Variants in PTPRK observed in about 807,000 individuals in gnomAD.
PTPRK encodes the protein receptor-type tyrosine-protein phosphatase kappa.
A neutral mutation model predicts 178.0 loss-of-function variants in PTPRK; 75 were observed. The observed-to-expected ratio is 0.42, with a 90% CI of 0.35 to 0.51. The LOEUF is 0.51. Among genes scored for constraint, PTPRK ranks in the 20% least tolerant of loss-of-function variants. PTPRK has a pLI of 0.02. For synonymous variants in PTPRK, 637 were observed against 620.6 expected (o/e 1.03, Z -0.39); for missense variants, 1,441 against 1,797.8 (o/e 0.80, Z 3.59).
intron 25 of PTPRK, among the ~76,000 whole-genome samples, chr6:127,977,856 G>T (rs2114618196): frequency 6.6e-6 from 1 of 152,232 alleles, no homozygotes; most frequent in East Asian, 1.9e-4. Flanking sequence ...ATCTGGACTG[G>T]ACAATTGCCA....
chr6:128,097,839 A>AT (rs1006541185), intron 7 of PTPRK, among the ~76,000 whole-genome samples: 6 of 152,138 alleles, frequency 3.9e-5, no homozygotes, highest in African/African-American at 1.4e-4. Flanking sequence ...TTTTCATAAA[A>AT]TTTTTTAGCA....
chr6:128,308,625 T>C (rs1826794559), intron 3 of PTPRK, among the ~76,000 whole-genome samples: 1 of 152,042 alleles, frequency 6.6e-6, no homozygotes, highest in Non-Finnish European at 1.5e-5. Context: ...TTGGGAAAAG[T>C]CAGAGATATC....
chr6:128,351,194 A>G (rs1303653064), intron 2 of PTPRK, among the ~76,000 whole-genome samples: 6 of 152,326 alleles, frequency 3.9e-5, no homozygotes, highest in Admixed American at 3.9e-4. Context: ...TTAAGTAAAT[A>G]AAAGGTGGCA....
chr6:128,050,873 C>G (rs540521738), intron 13 of PTPRK, among the ~76,000 whole-genome samples: 2 of 152,114 alleles, frequency 1.3e-5, no homozygotes, highest in Non-Finnish European at 2.9e-5. Context: ...GATTTTTACA[C>G]GCTGAAAAAT....
chr6:128,180,622 C>T (rs570971577), intron 7 of PTPRK, among the ~76,000 whole-genome samples: 1 of 152,020 alleles, frequency 6.6e-6, no homozygotes, highest in South Asian at 2.1e-4. Flanking sequence ...AAAGCTTTGG[C>T]AACCAGACAG....
At chr6:128,073,783 T>G (rs1403974000) in intron 11 of PTPRK, among the ~76,000 whole-genome samples, 2 of 152,022 alleles carry the variant, frequency 1.3e-5, no homozygotes, top group Non-Finnish European at 2.9e-5. Context: ...AAACATAAAA[T>G]TAAAGTAACA....
intron 5 of PTPRK, among the ~76,000 whole-genome samples, chr6:128,228,496 A>C (rs1345891385): frequency 6.6e-5 from 10 of 150,682 alleles, no homozygotes; most frequent in African/African-American, 2.4e-4. Flanking sequence ...AATACAAAAA[A>C]AAAAAAAAAA....
intron 2 of PTPRK, among the ~76,000 whole-genome samples, chr6:128,353,365 T>C (rs1158059015): frequency 6.6e-6 from 1 of 152,240 alleles, no homozygotes; most frequent in East Asian, 1.9e-4. Context: ...CTCTTGTGCA[T>C]TTATTGCAAA....
chr6:127,970,668 T>C (rs1002865055), intron 29 of PTPRK, among the ~76,000 whole-genome samples: 6 of 152,026 alleles, frequency 3.9e-5, no homozygotes, highest in African/African-American at 1.4e-4. Flanking sequence ...TCAGAAGAAA[T>C]TGTTAAAATA....
rs181260367 is a variant in PTPRK, at chr6:128,048,170, C to T, written c.2194+16588G>A. 8.2e-4 allele frequency among the ~76,000 whole-genome samples: 125 copies of T among 152,284 alleles called. 1 individual carries two copies. The highest frequency in any genetic ancestry group is 3.0e-3 in the African/African-American group (123 of 41,560). On this transcript the variant is annotated intron_variant, in intron 13 of 29. Coordinates refer to ENST00000368226, the MANE Select transcript of PTPRK (RefSeq NM_002844.4). ...ACTGGCAGAGGGTGAATGGGACTTG[C>T]TTAGACCAGTTGTTGACCTGACCAG...
intron 2 of PTPRK, among the ~76,000 whole-genome samples, chr6:128,359,339 G>T (rs76874319): frequency 0.025 from 3,848 of 152,198 alleles, 79 homozygotes; most frequent in Non-Finnish European, 0.038. Flanking sequence ...CTATCTTTGA[G>T]TATAACAAAG....
intron 2 of PTPRK, among the ~76,000 whole-genome samples, chr6:128,394,611 T>C (rs1407822654): frequency 6.6e-6 from 1 of 152,220 alleles, no homozygotes; most frequent in African/African-American, 2.4e-5. Flanking sequence ...AGAACTGTCT[T>C]ATGAAGTACT....
chr6:128,142,195 T>C (rs1220685264), intron 7 of PTPRK, among the ~76,000 whole-genome samples: 2 of 151,984 alleles, frequency 1.3e-5, no homozygotes, highest in African/African-American at 4.8e-5. Context: ...TTCCTTTCTC[T>C]AGTTATCACC....
At chr6:128,286,467 A>C (rs1023759127) in intron 3 of PTPRK, among the ~76,000 whole-genome samples, 6 of 152,064 alleles carry the variant, frequency 3.9e-5, no homozygotes, top group Non-Finnish European at 5.9e-5. Context: ...TGATTTGTAT[A>C]GGAACTATCT....
chr6:128,287,500 A>G (rs1254766587), intron 3 of PTPRK, among the ~76,000 whole-genome samples: 1 of 152,196 alleles, frequency 6.6e-6, no homozygotes, highest in Non-Finnish European at 1.5e-5. Flanking sequence ...CTTTCACCTC[A>G]GAGGGACTTC....
At chr6:128,041,413 CTTTG>C (rs759937309) in intron 13 of PTPRK, among the ~76,000 whole-genome samples, 22 of 152,062 alleles carry the variant, frequency 1.4e-4, no homozygotes, top group Admixed American at 2.6e-4. Flanking sequence ...ATAAAGAATA[CTTTG>C]TTTGTCTATA....
At chr6:128,321,710 T>A (rs1274412846) in intron 3 of PTPRK, 2 of 665,794 alleles carry the variant, frequency 3.0e-6, no homozygotes, top group South Asian at 1.6e-5. Context: ...GGAAAGAATC[T>A]GTCAATAAGT....
intron 19 of PTPRK, among the ~76,000 whole-genome samples, 182 bp downstream of exon 19, chr6:127,992,491 A>T (rs2114665158): frequency 6.6e-6 from 1 of 151,956 alleles, no homozygotes; most frequent in South Asian, 2.1e-4. Flanking sequence ...AATCAAGCTT[A>T]AATTTATATA....
chr6:128,063,587 A>G (rs549180867), intron 13 of PTPRK: 116 of 152,196 alleles, frequency 7.6e-4, no homozygotes, highest in African/African-American at 2.6e-3. Context: ...AAAAATTTCA[A>G]CTCTCGTTCC....
Sources: gnomAD v4.1 joint callset for allele counts (sites outside exome capture counted in the v4.1 genomes callset) on GRCh38, gnomAD v4.1.1 for gene constraint, MANE v1.5 for transcripts, NCBI Gene and HGNC (gene_info 2026-07-23, HGNC 2026-07-21) for gene names.